SIX3: variants seen among roughly 807,000 people sequenced by gnomAD.
The protein encoded by SIX3 is SIX homeobox 3.
SIX3 carries 2 observed loss-of-function variants against 21.7 expected under a neutral mutation model. The observed-to-expected ratio is 0.09, with a 90% CI of 0.04 to 0.29. The LOEUF is 0.29. Ranked by LOEUF, SIX3 falls within the 10% of genes least tolerant of loss-of-function variation. The probability of loss-of-function intolerance (pLI) is 1.00; values close to 1 mark genes in which losing one functional copy is unlikely to be tolerated. For missense variants in SIX3, 347 were observed against 480.7 expected, an observed-to-expected ratio of 0.72 and a Z score of 2.60; for synonymous variants, 243 against 220.6, an observed-to-expected ratio of 1.10 and a Z score of -0.90.
rs1190839799 is a variant in SIX3 at position 44,942,545 on chromosome 2, C to T, written c.441C>T (p.Asp147=). ...CCTTCCACACGGGCAACTTCCGCGA[C>T]CTCTACCACATCCTTGAGAACCACA... ...VVAFHTGNFR[D]LYHILENHKF... The change falls in exon 1 of 2, where the codon GAC becomes GAT. Residue 147 remains aspartate (D), a synonymous_variant. Transcript: ENST00000260653. This position sits in a 1 kb window ranked among gnomAD's most constrained non-coding sequence, Gnocchi z 8.4. 6 of 1,598,658 alleles carry T rather than the reference C, an allele frequency of 3.8e-6. No individual in the cohort carries two copies. Among genetic ancestry groups the T allele is most frequent in the Non-Finnish European group, 5.1e-6 (6 of 1,179,828 alleles).
At position 44,942,719 on chromosome 2, in the gene SIX3, C is replaced by T. The variant is rs1416827174; in HGVS notation, c.615C>T (p.Asp205=). The change falls in exon 1 of 2, where the codon GAC becomes GAT. Residue 205 remains aspartate (D), a synonymous_variant. Transcript: ENST00000260653. The surrounding 1 kb of genome is among the most constrained non-coding windows in gnomAD (Gnocchi z 8.4). ...KKFPLPRTIW[D]GEQKTHCFKE... ...TCCCGCTGCCACGCACCATCTGGGACGGCGAGCAGAAGACGCATTGCTTCA... is the reference window on the plus strand; with the variant it reads ...TCCCGCTGCCACGCACCATCTGGGATGGCGAGCAGAAGACGCATTGCTTCA... The T allele has an allele frequency of 6.2e-7, 1 of 1,602,306 alleles. No homozygotes were observed. Among genetic ancestry groups the T allele is most frequent in the Non-Finnish European group, 8.5e-7 (1 of 1,179,800 alleles).
rs376519917 is a variant in SIX3, at chr2:44,942,467, G to T, written c.363G>T (p.Ala121=). 3.4e-5 allele frequency: 55 copies of T among 1,598,026 alleles called. 1 individual carries two copies. The African/African-American group carries it at 4.3e-4, about 12-fold the overall frequency. Residue 121 remains alanine, a synonymous_variant, in exon 1 of 2, where the codon GCG becomes GCT. Coordinates refer to ENST00000260653, the MANE Select transcript of SIX3 (RefSeq NM_005413.4). This position sits in a 1 kb window ranked among gnomAD's most constrained non-coding sequence, Gnocchi z 8.4. ...GGTCGCTGCCCGTGGCCCCCGGGGC[G>T]TGCGAGGCCATCAACAAACACGAGT... ...FLWSLPVAPG[A]CEAINKHESI...
Position 44,942,936 on chromosome 2 carries a change from C to CTACA in SIX3, c.806+27_806+30dup, listed in dbSNP as rs951780531. 3 of 1,590,050 alleles carry CTACA rather than the reference C, an allele frequency of 1.9e-6. No homozygotes were observed. Among genetic ancestry groups the CTACA allele is most frequent in the African/African-American group, 2.7e-5 (2 of 74,704 alleles). ...GTTAGTGGCGGGGCCCGCGGCCTGGCTACAGCCTCAGAGGCCTGGGAAGGG... is the reference window on the plus strand; with the variant it reads ...GTTAGTGGCGGGGCCCGCGGCCTGGCTACATACAGCCTCAGAGGCCTGGGAAGGG... On this transcript the variant is annotated intron_variant, in intron 1 of 1. Coordinates refer to ENST00000260653, the MANE Select transcript of SIX3 (RefSeq NM_005413.4). The surrounding 1 kb of genome is among the most constrained non-coding windows in gnomAD (Gnocchi z 8.4).
At position 44,942,201 on chromosome 2, in the gene SIX3, G is replaced by T. The variant is rs753721024; in HGVS notation, c.97G>T (p.Gly33Cys). The T allele has an allele frequency of 6.9e-6, 11 of 1,595,692 alleles. No individual in the cohort carries two copies. The highest frequency in any genetic ancestry group is 6.7e-5 in the East Asian group (3 of 44,698). ...CCGCTCCATACTTCTGGCGAGTAGC[G>T]GCGGCGGGAACGGTGCGGGAGGCGG... ...HHRSILLASS[G>C]GGNGAGGGGG... The change falls in exon 1 of 2, where the codon GGC becomes TGC. Residue 33 changes from glycine (G) to cysteine (C), a missense_variant. By Grantham distance (159) the Gly-to-Cys change is radical. This residue lies in a region of SIX3 where 105 missense variants were observed against 116.1 expected (regional missense o/e 0.90). Transcript: ENST00000260653. The surrounding 1 kb of genome is among the most constrained non-coding windows in gnomAD (Gnocchi z 8.4).
chr2:44,942,140 C>A lies in SIX3; in HGVS notation c.36C>A (p.Ser12=), dbSNP rs754988632. ...GCTCCCCCCTAGACCTCTATTCCTC[C>A]CACTTCTTGTTGCCAAACTTCGCCG... The part of the protein sequence containing the change: ...VFRSPLDLYS[S]HFLLPNFADS... The change falls in exon 1 of 2, where the codon TCC becomes TCA. Residue 12 remains serine, a synonymous_variant. Coordinates refer to ENST00000260653, the MANE Select transcript of SIX3 (RefSeq NM_005413.4). This position sits in a 1 kb window ranked among gnomAD's most constrained non-coding sequence, Gnocchi z 8.4. 3.1e-6 allele frequency: 5 copies of A among 1,597,972 alleles called. No homozygotes were observed. In the East Asian group the frequency reaches 1.1e-4, roughly 36 times the overall value.
At position 44,944,959 on chromosome 2, in the gene SIX3, A is replaced by C; in HGVS notation, c.*199A>C. 1.6e-6 allele frequency: 1 copy of C among 609,608 alleles called. No individual in the cohort carries two copies. The highest frequency in any genetic ancestry group is 2.9e-6 in the Non-Finnish European group (1 of 343,218). 37.8% of individuals were successfully genotyped at this position (609,608 alleles called of 1,614,324 possible). On this transcript the variant is annotated 3_prime_UTR_variant, in exon 2 of 2. Transcript: ENST00000260653. ...CCAAAAATATATAAAAAACAAGAAA[A>C]TAACAAATTAACCGCAAACTATCAA...
intron 1 of SIX3, among the ~76,000 whole-genome samples, chr2:44,943,551 C>G (rs577950302): frequency 2.0e-3 from 304 of 152,338 alleles, no homozygotes; most frequent in Non-Finnish European, 2.9e-3. Flanking sequence ...CTTTGGTCCT[C>G]TAAGCTGGGA....
intron 1 of SIX3, 130 bp from the exon 2 acceptor site, chr2:44,944,438 C>A: frequency 9.1e-7 from 1 of 1,092,962 alleles, no homozygotes; most frequent in Non-Finnish European, 1.3e-6. Context: ...GGTTCTGCCT[C>A]TCCTCCGAGG....
At chr2:44,943,376 A>G (rs2673270) in intron 1 of SIX3, among the ~76,000 whole-genome samples, 45,440 of 152,244 alleles carry the variant, frequency 0.3, 7,031 homozygotes, top group East Asian at 0.42. Context: ...GGAAAAGGCC[A>G]GAGGCCACTG....
chr2:44,942,032 T>A lies in SIX3; in HGVS notation c.-73T>A. On this transcript the variant is annotated 5_prime_UTR_variant, in exon 1 of 2. Coordinates refer to ENST00000260653, the MANE Select transcript of SIX3 (RefSeq NM_005413.4). The surrounding 1 kb of genome is among the most constrained non-coding windows in gnomAD (Gnocchi z 8.4). Reference sequence around the variant, plus strand: ...CTCCTCTCCCTCCTCCTGGTCCTCATCGCCCCTCTCCTCCTCTTCCTCCCC... The same window carrying A: ...CTCCTCTCCCTCCTCCTGGTCCTCAACGCCCCTCTCCTCCTCTTCCTCCCC... 8.9e-7 allele frequency: 1 copy of A among 1,126,948 alleles called. No homozygotes were observed. 69.8% of individuals were successfully genotyped at this position (1,126,948 alleles called of 1,614,324 possible).
At position 44,944,719 on chromosome 2, in the gene SIX3, A is replaced by C. The variant is rs370063753; in HGVS notation, c.958A>C (p.Ile320Leu). The change falls in exon 2 of 2, where the codon ATC becomes CTC. Residue 320 changes from isoleucine (I) to leucine (L), a missense_variant. Ile to Leu is a conservative substitution (Grantham distance 5). This residue lies in a region of SIX3 where 110 missense variants were observed against 93.3 expected (regional missense o/e 1.18). Coordinates refer to ENST00000260653, the MANE Select transcript of SIX3 (RefSeq NM_005413.4). ...LTERADTGTS[I>L]LSVTSSDSEC... The stretch of plus-strand genomic sequence containing the variant: ...GGAGCGCGCAGACACCGGCACCTCC[A>C]TCCTCTCGGTAACCTCCAGCGACTC... 6.9e-6 allele frequency: 11 copies of C among 1,588,920 alleles called. No homozygotes were observed. In the African/African-American group the frequency reaches 1.2e-4, roughly 17 times the overall value.
Position 44,942,357 on chromosome 2 carries a change from C to T in SIX3, c.253C>T (p.Leu85Phe). The T allele has an allele frequency of 1.3e-6, 2 of 1,597,536 alleles. No individual in the cohort carries two copies. Among genetic ancestry groups the T allele is most frequent in the Non-Finnish European group, 1.7e-6 (2 of 1,179,522 alleles). The change falls in exon 1 of 2, where the codon CTC (leucine) becomes TTC (phenylalanine). Residue 85 changes from leucine (L) to phenylalanine (F), a missense_variant. This residue lies in a region of SIX3 where 117 missense variants were observed against 205.9 expected (regional missense o/e 0.57). Coordinates refer to ENST00000260653, the MANE Select transcript of SIX3 (RefSeq NM_005413.4). The surrounding 1 kb of genome is among the most constrained non-coding windows in gnomAD (Gnocchi z 8.4). ...GTTGTCCATGTTCCAGCTGCCCACC[C>T]TCAACTTCTCGCCGGAGCAGGTGGC... The part of the protein sequence containing the change: ...EELSMFQLPT[L>F]NFSPEQVASV...
In SIX3 at chr2:44,944,990, C is replaced by T; in HGVS notation, c.*230C>T. On this transcript the variant is annotated 3_prime_UTR_variant, in exon 2 of 2. Coordinates refer to ENST00000260653, the MANE Select transcript of SIX3 (RefSeq NM_005413.4). ...AATTAACCGCAAACTATCAACAACC[C>T]CCAACCACCATCTACCACTACGGCC... 1 of 594,622 alleles carries T rather than the reference C, an allele frequency of 1.7e-6. No homozygotes were observed. The allele number at this position is 594,622 out of a possible 1,614,324, so 36.8% of individuals were successfully genotyped here.
intron 1 of SIX3, 60 bp from the exon 2 acceptor site, chr2:44,944,508 C>T (rs1051811548): frequency 2.3e-5 from 34 of 1,507,074 alleles, no homozygotes; most frequent in Middle Eastern, 2.3e-4. Context: ...AGCGGCGGCG[C>T]GGGGGAGCCG....
Position 44,941,901 on chromosome 2 carries a change from G to A in SIX3, c.-204G>A. The A allele has an allele frequency of 2.1e-6, 1 of 476,314 alleles. No homozygotes were observed. The highest frequency in any genetic ancestry group is 4.0e-6 in the Non-Finnish European group (1 of 252,470). 29.5% of individuals were successfully genotyped at this position (476,314 alleles called of 1,614,324 possible). ...ACCTCCCTCTCTATGTGGCTGCGCG[G>A]GTGTGTGTGTGTGTGGATGTGTGTG... On this transcript the variant is annotated 5_prime_UTR_variant, in exon 1 of 2. Coordinates refer to ENST00000260653, the MANE Select transcript of SIX3 (RefSeq NM_005413.4).
chr2:44,942,990 C>G lies in SIX3; in HGVS notation c.806+80C>G. The G allele has an allele frequency of 6.7e-7, 1 of 1,496,478 alleles. No homozygotes were observed. The highest frequency in any genetic ancestry group is 2.3e-5 in the Admixed American group (1 of 42,944). 92.7% of individuals were successfully genotyped at this position (1,496,478 alleles called of 1,614,324 possible). On this transcript the variant is annotated intron_variant, in intron 1 of 1. Coordinates refer to ENST00000260653, the MANE Select transcript of SIX3 (RefSeq NM_005413.4). This position sits in a 1 kb window ranked among gnomAD's most constrained non-coding sequence, Gnocchi z 8.4. The stretch of plus-strand genomic sequence containing the variant: ...AGGGGTTGAGATGGGGCTAGCGGAG[C>G]GGCCGCTGAGAGCCAGGGAAGCCGT...
chr2:44,942,317 G>T lies in SIX3; in HGVS notation c.213G>T (p.Arg71Ser), dbSNP rs1402606672. The change falls in exon 1 of 2, where the codon AGG (arginine) becomes AGT (serine). Residue 71 changes from arginine (R) to serine (S), a missense_variant. Around this residue, in one of 4 missense-constraint regions of SIX3, gnomAD observed 105 missense variants for 116.1 expected, o/e 0.90. Transcript: ENST00000260653. This position sits in a 1 kb window ranked among gnomAD's most constrained non-coding sequence, Gnocchi z 8.4. Reference sequence around the variant, plus strand: ...GCGGCGGCGGCGGCGGCGGCTCCAGGGCCCCCCCGGAAGAGTTGTCCATGT... The same window carrying T: ...GCGGCGGCGGCGGCGGCGGCTCCAGTGCCCCCCCGGAAGAGTTGTCCATGT... ...GAGGGGGGGS[R>S]APPEELSMFQ... 6.3e-7 allele frequency: 1 copy of T among 1,589,944 alleles called. No individual in the cohort carries two copies. The highest frequency in any genetic ancestry group is 1.7e-5 in the Admixed American group (1 of 59,456).
In SIX3 at chr2:44,942,726, C is replaced by A. The variant is rs1380586263; in HGVS notation, c.622C>A (p.Gln208Lys). 6.2e-7 allele frequency: 1 copy of A among 1,602,006 alleles called. No homozygotes were observed. The highest frequency in any genetic ancestry group is 1.7e-5 in the Admixed American group (1 of 60,018). Residue 208 changes from glutamine to lysine, a missense_variant, in exon 1 of 2, where the codon CAG becomes AAG. Coordinates refer to ENST00000260653, the MANE Select transcript of SIX3 (RefSeq NM_005413.4). This position sits in a 1 kb window ranked among gnomAD's most constrained non-coding sequence, Gnocchi z 8.4. Reference sequence around the variant, plus strand: ...GCCACGCACCATCTGGGACGGCGAGCAGAAGACGCATTGCTTCAAGGAGCG... The same window carrying A: ...GCCACGCACCATCTGGGACGGCGAGAAGAAGACGCATTGCTTCAAGGAGCG... The part of the protein sequence containing the change: ...PLPRTIWDGE[Q>K]KTHCFKERTR...
At position 44,945,426 on chromosome 2, in the gene SIX3, T is replaced by A. The variant is rs964423779; in HGVS notation, c.*666T>A. 1 of 146,246 alleles carries A rather than the reference T, an allele frequency of 6.8e-6. No individual in the cohort carries two copies. Among genetic ancestry groups the A allele is most frequent in the Non-Finnish European group, 1.5e-5 (1 of 66,962 alleles). 9.1% of individuals were successfully genotyped at this position (146,246 alleles called of 1,614,324 possible). ...TTGTTGCTCTCTCTCTCTTTTTTTT[T>A]CTCTCGCTCTCTTTCTTTCTCTTCT... On this transcript the variant is annotated 3_prime_UTR_variant, in exon 2 of 2. Coordinates refer to ENST00000260653, the MANE Select transcript of SIX3 (RefSeq NM_005413.4).
Sources: allele counts gnomAD v4.1 joint callset (sites outside exome capture counted in the v4.1 genomes callset), GRCh38; gene constraint gnomAD v4.1.1; regional missense constraint gnomAD v4.1.1; non-coding constraint Gnocchi (gnomAD v3.1); transcripts MANE v1.5; gene names NCBI Gene and HGNC (gene_info 2026-07-23, HGNC 2026-07-21).